The following CEP126 variants were observed in gnomAD, a reference collection of about 807,000 sequenced individuals.
CEP126 encodes centrosomal protein 126.
A neutral mutation model predicts 107.8 loss-of-function variants in CEP126; 74 were observed. The ratio of observed to expected loss-of-function variants is 0.69; its 90% CI spans 0.57 to 0.83. The LOEUF (loss-of-function observed/expected upper bound fraction) is 0.83. CEP126 is among the 40% of genes least tolerant of loss of function. CEP126 has a pLI of 0.00. For missense variants in CEP126, 1,237 were observed against 1,281.9 expected (o/e 0.96, Z 0.53); for synonymous variants, 449 against 446.0 (o/e 1.01, Z -0.08).
intron 1 of CEP126, among the ~76,000 whole-genome samples, chr11:101,918,891 A>G (rs902005478): frequency 3.3e-5 from 5 of 152,212 alleles, no homozygotes; most frequent in Non-Finnish European, 7.3e-5. Context: ...GAGTTAGCCA[A>G]GCATGTGCCA....
chr11:101,991,410 C>CT (rs1452453620), intron 9 of CEP126, among the ~76,000 whole-genome samples: 1 of 152,090 alleles, frequency 6.6e-6, no homozygotes, highest in Non-Finnish European at 1.5e-5. Flanking sequence ...AAAAAAAACA[C>CT]TATCAAGGGA....
At chr11:101,941,048 G>T (rs1940657250) in intron 2 of CEP126, among the ~76,000 whole-genome samples, 2 of 152,250 alleles carry the variant, frequency 1.3e-5, no homozygotes, top group South Asian at 4.1e-4. Flanking sequence ...AATCTCAAGA[G>T]CATATGAATG....
chr11:101,968,445 C>T (rs903576304), intron 6 of CEP126, among the ~76,000 whole-genome samples: 1 of 151,976 alleles, frequency 6.6e-6, no homozygotes, highest in Non-Finnish European at 1.5e-5. Flanking sequence ...TCAGATGGCC[C>T]CTATTTTGTC....
Position 101,944,281 on chromosome 11 carries a change from C to G in CEP126, c.265C>G (p.Arg89Gly). Residue 89 changes from arginine (R) to glycine (G), a missense_variant, in exon 3 of 11, where the codon CGA becomes GGA. Transcript: ENST00000263468. Reference protein sequence around the residue: ...NRRKKAFEEKRKEQEEKEHQI... With the variant: ...NRRKKAFEEKGKEQEEKEHQI... Reference sequence around the variant, plus strand: ...TAAATATAGAGCTTTTGAGGAGAAACGAAAAGAACAGGAAGAAAAAGAACA... The same window carrying G: ...TAAATATAGAGCTTTTGAGGAGAAAGGAAAAGAACAGGAAGAAAAAGAACA... 6.3e-7 allele frequency: 1 copy of G among 1,590,970 alleles called. No individual in the cohort carries two copies. Among genetic ancestry groups the G allele is most frequent in the Non-Finnish European group, 8.5e-7 (1 of 1,172,706 alleles).
intron 6 of CEP126, 79 bp downstream of exon 6, chr11:101,963,959 A>T (rs1941027092): frequency 1.2e-6 from 1 of 855,434 alleles, no homozygotes; most frequent in African/African-American, 1.7e-5. Context: ...CTATTTATGT[A>T]TGGCCATACA....
intron 7 of CEP126, among the ~76,000 whole-genome samples, chr11:101,979,242 G>C (rs927014599): frequency 1.3e-4 from 20 of 152,252 alleles, no homozygotes; most frequent in African/African-American, 4.8e-4. Flanking sequence ...AGGAAAATTA[G>C]ATGAGTTATA....
chr11:101,915,659 T>G (rs916443631), intron 1 of CEP126, among the ~76,000 whole-genome samples: 92 of 152,188 alleles, frequency 6.0e-4, no homozygotes, highest in African/African-American at 2.2e-3. Context: ...TTTGTAAAAT[T>G]TTTGTGAATT....
At chr11:101,954,368 G>A (rs1466666596) in intron 4 of CEP126, among the ~76,000 whole-genome samples, 1 of 152,178 alleles carries the variant, frequency 6.6e-6, no homozygotes, top group African/African-American at 2.4e-5. Flanking sequence ...ATGAAGAAAA[G>A]CATAGGCGTT....
At chr11:101,961,024 T>C (rs1940962171) in intron 5 of CEP126, among the ~76,000 whole-genome samples, 1 of 152,104 alleles carries the variant, frequency 6.6e-6, no homozygotes, top group Admixed American at 6.5e-5. Context: ...GAAATAGTGA[T>C]GTAAATGTCT....
intron 1 of CEP126, chr11:101,915,891 G>C (rs1482642844): frequency 6.6e-6 from 1 of 152,494 alleles, no homozygotes; most frequent in Non-Finnish European, 1.5e-5. Flanking sequence ...TTGGTAAGTT[G>C]TTTTGTTTTC....
rs371125270 is a variant in CEP126 at position 101,947,990 on chromosome 11, T to C, written c.395-41T>C. On this transcript the variant is annotated intron_variant, in intron 3 of 10. Transcript: ENST00000263468. ...TTATATGTAAAGTGACCACTGAAGA[T>C]AAAGTGATTCTGTACTGTTCGGTCT... The C allele has an allele frequency of 9.0e-5, 92 of 1,019,490 alleles. No homozygotes were observed. The African/African-American group carries it at 1.4e-3, about 15-fold the overall frequency. 63.2% of individuals were successfully genotyped at this position (1,019,490 alleles called of 1,614,324 possible).
In CEP126 at chr11:101,989,816, C is replaced by T. The variant is rs913033195; in HGVS notation, c.3244+2775C>T. Among the ~76,000 whole-genome samples, 48 of 152,026 alleles carry T rather than the reference C, an allele frequency of 3.2e-4. 1 individual carries two copies. The highest frequency in any genetic ancestry group is 3.2e-4 in the Non-Finnish European group (22 of 68,004). ...CTATTAAAAATACAAACAAATTAGC[C>T]GGGCGTGGTGGTGGGTGCCTGTAGC... On this transcript the variant is annotated intron_variant, in intron 9 of 10. Transcript: ENST00000263468.
rs1041152306 is a variant in CEP126 at position 101,997,794 on chromosome 11, A to G, written c.*151A>G. ...CAGATTTTGTGAGCAGTGAAGTTTA[A>G]CAGAGCAGTGACATTTAACAAAGCA... On this transcript the variant is annotated 3_prime_UTR_variant, in exon 11 of 11. Coordinates refer to ENST00000263468, the MANE Select transcript of CEP126 (RefSeq NM_020802.4). 8 of 1,007,714 alleles carry G rather than the reference A, an allele frequency of 7.9e-6. No individual in the cohort carries two copies. The highest frequency in any genetic ancestry group is 3.2e-5 in the African/African-American group (2 of 61,956). 62.4% of individuals were successfully genotyped at this position (1,007,714 alleles called of 1,614,324 possible). A position where few individuals can be genotyped will look rare whatever the true frequency, so the allele number is the denominator to read the frequency against.
chr11:101,949,881 G>T (rs867917781), intron 4 of CEP126, among the ~76,000 whole-genome samples: 1 of 152,298 alleles, frequency 6.6e-6, no homozygotes, highest in Middle Eastern at 3.4e-3. Flanking sequence ...CGCTGGACAG[G>T]TCCTGTGGTC....
chr11:101,961,583 T>C (rs12222135), intron 5 of CEP126, among the ~76,000 whole-genome samples, 158 bp from the exon 6 acceptor site: 8,450 of 152,102 alleles, frequency 0.056, 455 homozygotes, highest in East Asian at 0.26. Context: ...CCTTGAGGAT[T>C]GCTGCAGGGA....
At chr11:101,924,500 C>A (rs564923898) in intron 2 of CEP126, among the ~76,000 whole-genome samples, 1 of 152,172 alleles carries the variant, frequency 6.6e-6, no homozygotes, top group Admixed American at 6.5e-5. Context: ...GAGTCTCACT[C>A]TGTCACTCAG....
chr11:101,934,136 C>A (rs1235107433), intron 2 of CEP126, among the ~76,000 whole-genome samples: 2 of 152,078 alleles, frequency 1.3e-5, no homozygotes, highest in Non-Finnish European at 2.9e-5. Flanking sequence ...CACATGCCAT[C>A]AAAATATACT....
chr11:101,970,554 T>G (rs1270199255), intron 6 of CEP126, among the ~76,000 whole-genome samples: 1 of 152,126 alleles, frequency 6.6e-6, no homozygotes, highest in Non-Finnish European at 1.5e-5. Context: ...ACTTCCTTTT[T>G]TTTTTTAAGC....
At chr11:101,935,296 C>A (rs766687221) in intron 2 of CEP126, among the ~76,000 whole-genome samples, 2 of 151,804 alleles carry the variant, frequency 1.3e-5, no homozygotes, top group Non-Finnish European at 2.9e-5. Context: ...TTTCTTCTAA[C>A]CTGTGGCTTA....
Sources: gnomAD v4.1 joint callset for allele counts (sites outside exome capture counted in the v4.1 genomes callset) on GRCh38, gnomAD v4.1.1 for gene constraint, MANE v1.5 for transcripts, NCBI Gene and HGNC (gene_info 2026-07-23, HGNC 2026-07-21) for gene names.